DMXL2: variants seen among roughly 807,000 people sequenced by gnomAD.
DMXL2 encodes dmX-like protein 2.
DMXL2 carries 103 observed loss-of-function variants against 331.1 expected under a neutral mutation model. The observed-to-expected ratio is 0.31, with a 90% CI of 0.27 to 0.37. The LOEUF (loss-of-function observed/expected upper bound fraction) is 0.37. DMXL2 is among the 10% of genes least tolerant of loss of function. DMXL2 has a pLI of 1.00. For missense variants in DMXL2, 3,171 were observed against 3,642.9 expected, an observed-to-expected ratio of 0.87 and a Z score of 3.33; for synonymous variants, 1,281 against 1,252.1, an observed-to-expected ratio of 1.02 and a Z score of -0.49.
At chr15:51,569,582 T>C (rs1340519733) in intron 2 of DMXL2, among the ~76,000 whole-genome samples, 1 of 152,162 alleles carries the variant, frequency 6.6e-6, no homozygotes, top group African/African-American at 2.4e-5. Flanking sequence ...AGGAGAGCTC[T>C]GCCCGGCATC....
At chr15:51,453,501 G>A (rs1316687947) in intron 41 of DMXL2, 49 bp downstream of exon 41, 2 of 1,406,654 alleles carry the variant, frequency 1.4e-6, no homozygotes, top group African/African-American at 1.5e-5. Context: ...CTAAAGGTAT[G>A]GATTTCTAAC....
chr15:51,544,617 C>G (rs891970494), intron 8 of DMXL2, among the ~76,000 whole-genome samples: 19 of 152,106 alleles, frequency 1.2e-4, no homozygotes, highest in African/African-American at 4.1e-4. Flanking sequence ...TATAATATTT[C>G]TGCTTGGTAA....
chr15:51,451,759 G>T, intron 41 of DMXL2, 62 bp from the exon 42 acceptor site: 1 of 1,410,212 alleles, frequency 7.1e-7, no homozygotes, highest in Non-Finnish European at 1.0e-6. Flanking sequence ...CGTCATCAGG[G>T]ACAACCTGTC....
intron 29 of DMXL2, 84 bp downstream of exon 29, chr15:51,471,139 A>G: frequency 7.6e-7 from 1 of 1,309,242 alleles, no homozygotes; most frequent in South Asian, 1.6e-5. Flanking sequence ...AAGCTACCCC[A>G]TCATTCCTAT....
Position 51,581,195 on chromosome 15 carries a change from G to T in DMXL2, c.88-5014C>A, listed in dbSNP as rs745822329. On this transcript the variant is annotated intron_variant, in intron 1 of 43. Coordinates refer to ENST00000560891, the MANE Select transcript of DMXL2 (RefSeq NM_001378457.1). ...TCCTGCCAGATCAGCGGTGGCATTA[G>T]ATTCTCATAGGAACTCAAGCCCTAT... is the stretch of plus-strand genomic sequence containing the variant. 2.6e-5 allele frequency among the ~76,000 whole-genome samples: 4 copies of T among 152,166 alleles called. No homozygotes were observed. In the East Asian group the frequency reaches 7.7e-4, roughly 29 times the overall value.
At chr15:51,489,665 A>G (rs902162446) in intron 20 of DMXL2, among the ~76,000 whole-genome samples, 7 of 152,112 alleles carry the variant, frequency 4.6e-5, no homozygotes, top group African/African-American at 1.4e-4. Context: ...AAAGAAAAAA[A>G]AAAGAAAGAA....
intron 23 of DMXL2, among the ~76,000 whole-genome samples, chr15:51,485,244 G>A (rs914842572): frequency 1.3e-5 from 2 of 152,160 alleles, no homozygotes; most frequent in African/African-American, 2.4e-5. Flanking sequence ...TCTAGGTCCA[G>A]GGTGTTCAAA....
At chr15:51,580,947 T>G (rs1438608509) in intron 1 of DMXL2, among the ~76,000 whole-genome samples, 1 of 151,748 alleles carries the variant, frequency 6.6e-6, no homozygotes, top group Non-Finnish European at 1.5e-5. Flanking sequence ...ACATAAGTCA[T>G]AGATGGCCTC....
rs750739715 is a variant in DMXL2, at chr15:51,481,237, A to G, written c.5869T>C (p.Ser1957Pro). The change falls in exon 24 of 44, where the codon TCA (serine) becomes CCA (proline). Residue 1957 changes from serine to proline, a missense_variant. Physicochemically the swap from Ser to Pro is moderately conservative, Grantham distance 74. Coordinates refer to ENST00000560891, the MANE Select transcript of DMXL2 (RefSeq NM_001378457.1). ...GGCTGACTCCAGTCATACTGTGATG[A>G]AGTTACATTTGACCATTCAATGCCA... ...SSGIEWSNVT[S>P]SQYDWSQPIV... The G allele has an allele frequency of 9.3e-6, 15 of 1,613,966 alleles. No individual in the cohort carries two copies. In the East Asian group the frequency reaches 3.3e-4, roughly 36 times the overall value.
intron 29 of DMXL2, 46 bp downstream of exon 29, chr15:51,471,177 T>C (rs774404244): frequency 8.4e-6 from 13 of 1,549,338 alleles, no homozygotes; most frequent in South Asian, 3.6e-5. Flanking sequence ...GTTAATAAAA[T>C]AGATGATAGA....
intron 1 of DMXL2, among the ~76,000 whole-genome samples, chr15:51,602,377 CCA>C (rs1469199541): frequency 1.3e-5 from 2 of 152,070 alleles, no homozygotes; most frequent in Admixed American, 6.5e-5. Context: ...CCAAATAATT[CCA>C]CAGTTCTACT....
intron 22 of DMXL2, among the ~76,000 whole-genome samples, chr15:51,486,621 TTTAAA>T (rs1265114938): frequency 6.6e-6 from 1 of 152,228 alleles, no homozygotes; most frequent in Non-Finnish European, 1.5e-5. Flanking sequence ...AACATTCATT[TTTAAA>T]TTAAATACTA....
At chr15:51,588,564 T>C (rs1386405743) in intron 1 of DMXL2, among the ~76,000 whole-genome samples, 2 of 152,222 alleles carry the variant, frequency 1.3e-5, no homozygotes, top group Non-Finnish European at 1.5e-5. Flanking sequence ...TATACCAACA[T>C]AAATTAATAT....
chr15:51,507,921 A>G (rs189666699), intron 15 of DMXL2, among the ~76,000 whole-genome samples: 14 of 152,234 alleles, frequency 9.2e-5, no homozygotes, highest in Admixed American at 6.5e-4. Context: ...TGTATATATA[A>G]TTTTCCCTGC....
At chr15:51,517,447 G>A (rs975437611) in intron 13 of DMXL2, among the ~76,000 whole-genome samples, 1 of 152,224 alleles carries the variant, frequency 6.6e-6, no homozygotes, top group Non-Finnish European at 1.5e-5. Flanking sequence ...AGACATGGCT[G>A]AAGATCTGGC....
chr15:51,468,250 T>C (rs1292059729), intron 29 of DMXL2, among the ~76,000 whole-genome samples: 1 of 152,078 alleles, frequency 6.6e-6, no homozygotes, highest in Non-Finnish European at 1.5e-5. Flanking sequence ...ACCAGGTTAT[T>C]TCAAAAAAGT....
At chr15:51,516,950 A>T in intron 14 of DMXL2, 128 bp downstream of exon 14, 1 of 738,692 alleles carries the variant, frequency 1.4e-6, no homozygotes, top group South Asian at 1.9e-5. Flanking sequence ...CACTATGGGA[A>T]TCAACATAAG....
chr15:51,576,183 T>TTAAAAA lies in DMXL2; in HGVS notation c.88-3_88-2insTTTTTA. ...AATATCACAGCCTGATCCATATGCC[T>TTAAAAA]AAAAAAAAAAAAAAAAAAAAGTTTT... is the stretch of plus-strand genomic sequence containing the variant. On this transcript the variant is annotated splice_region_variant and splice_polypyrimidine_tract_variant and intron_variant, in intron 1 of 43. Transcript: ENST00000560891. The TTAAAAA allele has an allele frequency of 1.6e-6, 1 of 626,284 alleles. No homozygotes were observed. Among genetic ancestry groups the TTAAAAA allele is most frequent in the Non-Finnish European group, 2.0e-6 (1 of 493,546 alleles). The allele number at this position is 626,284 out of a possible 1,614,324, so 38.8% of individuals were successfully genotyped here.
intron 1 of DMXL2, among the ~76,000 whole-genome samples, chr15:51,587,607 T>A (rs1285673896): frequency 1.3e-5 from 2 of 152,236 alleles, no homozygotes; most frequent in Non-Finnish European, 2.9e-5. Context: ...TTTGCTATTG[T>A]GAATAGTGCC....
Sources: allele counts gnomAD v4.1 joint callset (sites outside exome capture counted in the v4.1 genomes callset), GRCh38; gene constraint gnomAD v4.1.1; transcripts MANE v1.5; gene names NCBI Gene and HGNC (gene_info 2026-07-23, HGNC 2026-07-21).